ZNF385D: variants seen among roughly 807,000 people sequenced by gnomAD.
ZNF385D encodes zinc finger protein 385D.
In ZNF385D, 15 loss-of-function variants were observed where a neutral mutation model predicts 35.8. The observed-to-expected ratio is 0.42, with a 90% confidence interval of 0.28 to 0.64. The LOEUF (loss-of-function observed/expected upper bound fraction) is 0.64, where lower values mean the gene tolerates loss of function less well. ZNF385D is among the 30% of genes least tolerant of loss of function. The probability of loss-of-function intolerance (pLI) is 0.23; values close to 1 mark genes in which losing one functional copy is unlikely to be tolerated. For missense variants in ZNF385D, 474 were observed against 494.6 expected (o/e 0.96, Z 0.39); for synonymous variants, 212 against 186.8 (o/e 1.13, Z -1.10).
chr3:21,681,294 T>A (rs1221058800), intron 1 of ZNF385D, among the ~76,000 whole-genome samples: 1 of 24,898 alleles, frequency 4.0e-5, no homozygotes, highest in Non-Finnish European at 7.9e-5. Context: ...ATATATTCCA[T>A]CAGTAAAAAA....
At chr3:22,038,818 G>A (rs558271716) in intron 3 of ZNF385D, among the ~76,000 whole-genome samples, 17 of 151,450 alleles carry the variant, frequency 1.1e-4, no homozygotes, top group African/African-American at 4.1e-4. Context: ...TTTAAAATGT[G>A]CACTGAAGTG....
intron 4 of ZNF385D, among the ~76,000 whole-genome samples, chr3:21,477,346 T>G (rs879422215): frequency 2.6e-5 from 4 of 152,130 alleles, no homozygotes; most frequent in Admixed American, 6.6e-5. Context: ...AAGAATCACT[T>G]GAGCCAGGAG....
At chr3:21,899,956 A>G (rs1284287372) in intron 3 of ZNF385D, among the ~76,000 whole-genome samples, 1 of 152,156 alleles carries the variant, frequency 6.6e-6, no homozygotes. Flanking sequence ...AAAAACAGCT[A>G]GCTTCAATGT....
At chr3:22,028,492 C>A (rs1055192248) in intron 3 of ZNF385D, among the ~76,000 whole-genome samples, 5 of 152,180 alleles carry the variant, frequency 3.3e-5, no homozygotes, top group Non-Finnish European at 4.4e-5. Flanking sequence ...AATATGGCAC[C>A]ATTCCTCGGG....
intron 3 of ZNF385D, among the ~76,000 whole-genome samples, chr3:22,086,249 G>A (rs545466887): frequency 1.9e-4 from 29 of 152,164 alleles, no homozygotes; most frequent in Non-Finnish European, 4.0e-4. Flanking sequence ...ATTAGGAAAA[G>A]AGGAAGTCAA....
At chr3:21,954,143 T>C (rs1679239) in intron 3 of ZNF385D, among the ~76,000 whole-genome samples, 39,511 of 151,524 alleles carry the variant, frequency 0.26, 5,848 homozygotes, top group Admixed American at 0.41. Context: ...AAGCACAATA[T>C]TGAGTCACGT....
chr3:21,643,866 T>G (rs1279966547), intron 2 of ZNF385D, among the ~76,000 whole-genome samples: 3 of 152,138 alleles, frequency 2.0e-5, no homozygotes, highest in Non-Finnish European at 4.4e-5. Flanking sequence ...TGCAGAAAGT[T>G]CTATTGTACA....
chr3:22,089,818 T>C (rs1216513229), intron 3 of ZNF385D, among the ~76,000 whole-genome samples: 1 of 152,142 alleles, frequency 6.6e-6, no homozygotes, highest in Non-Finnish European at 1.5e-5. Context: ...TTCAACCCCA[T>C]ATTTTGTAAT....
chr3:21,429,247 A>G (rs1197490701), intron 5 of ZNF385D, among the ~76,000 whole-genome samples: 1 of 152,106 alleles, frequency 6.6e-6, no homozygotes, highest in African/African-American at 2.4e-5. Context: ...AACTAGAGGT[A>G]TATAAAAATA....
chr3:21,489,845 T>C (rs1223521257), intron 4 of ZNF385D, among the ~76,000 whole-genome samples: 4 of 152,146 alleles, frequency 2.6e-5, no homozygotes, highest in Admixed American at 6.6e-5. Flanking sequence ...GAATGTGGCC[T>C]AATATGAAGG....
intron 2 of ZNF385D, among the ~76,000 whole-genome samples, chr3:22,363,643 G>A (rs959269193): frequency 2.6e-5 from 4 of 151,898 alleles, no homozygotes; most frequent in African/African-American, 9.7e-5. Context: ...TGCTTCTTTG[G>A]GTCTAATGGC....
intron 3 of ZNF385D, among the ~76,000 whole-genome samples, chr3:21,834,825 G>A (rs952105347): frequency 3.3e-5 from 5 of 152,006 alleles, no homozygotes; most frequent in South Asian, 2.1e-4. Flanking sequence ...GAGTTCTCAC[G>A]ACATCTGGTG....
intron 2 of ZNF385D, among the ~76,000 whole-genome samples, chr3:22,220,947 G>T (rs1441720294): frequency 6.6e-6 from 1 of 152,036 alleles, no homozygotes; most frequent in Non-Finnish European, 1.5e-5. Flanking sequence ...CTTTCCCTTG[G>T]AAAGAACTGA....
intron 3 of ZNF385D, chr3:21,979,592 T>A (rs527945055): frequency 6.6e-6 from 1 of 152,214 alleles, no homozygotes; most frequent in African/African-American, 2.4e-5. Context: ...TCATTAAACA[T>A]TTACTTTCTT....
chr3:22,355,318 G>C (rs1255781229), intron 2 of ZNF385D, among the ~76,000 whole-genome samples: 3 of 151,846 alleles, frequency 2.0e-5, no homozygotes, highest in Non-Finnish European at 4.4e-5. Flanking sequence ...TTTAATCTCT[G>C]GATATGTTTT....
intron 2 of ZNF385D, among the ~76,000 whole-genome samples, chr3:22,232,221 C>T (rs571711542): frequency 6.6e-6 from 1 of 152,200 alleles, no homozygotes; most frequent in East Asian, 1.9e-4. Flanking sequence ...TATCCCCCTA[C>T]CTTTCAAATG....
intron 1 of ZNF385D, among the ~76,000 whole-genome samples, chr3:21,736,981 C>T (rs2069274023): frequency 6.6e-6 from 1 of 152,142 alleles, no homozygotes; most frequent in Non-Finnish European, 1.5e-5. Flanking sequence ...GCTCCGTCGC[C>T]CAGGCTGGAG....
At chr3:22,067,887 T>C (rs1285004989) in intron 3 of ZNF385D, among the ~76,000 whole-genome samples, 1 of 151,914 alleles carries the variant, frequency 6.6e-6, no homozygotes, top group Non-Finnish European at 1.5e-5. Flanking sequence ...CTGGGCTTGG[T>C]GGCACACCTG....
At position 22,013,258 on chromosome 3, in the gene ZNF385D, T is replaced by TAA. The variant is rs137955835; in HGVS notation, c.325+155557_325+155558dup. Among the ~76,000 whole-genome samples, 3 of 152,192 alleles carry TAA rather than the reference T, an allele frequency of 2.0e-5. No homozygotes were observed. In the South Asian group the frequency reaches 6.2e-4, roughly 32 times the overall value. ...TACTTGCTTAAATATCCTCTAGATTTAAAAATGTAATAATAGTCCAGGTTA... is the reference window on the plus strand; with the variant it reads ...TACTTGCTTAAATATCCTCTAGATTTAAAAAAATGTAATAATAGTCCAGGTTA... On this transcript the variant is annotated intron_variant, in intron 3 of 5. Transcript: ENST00000494108.
Sources: gnomAD v4.1 joint callset for allele counts (sites outside exome capture counted in the v4.1 genomes callset) on GRCh38, gnomAD v4.1.1 for gene constraint, MANE v1.5 for transcripts, NCBI Gene and HGNC (gene_info 2026-07-23, HGNC 2026-07-21) for gene names.